Variants in NYAP2 observed in about 807,000 individuals in gnomAD.
NYAP2 encodes neuronal tyrosine-phosphorylated phosphoinositide-3-kinase adaptor 2, also known as neuronal tyrosine-phosphorylated phosphoinositide-3-kinase adapter 2.
A neutral mutation model predicts 50.4 loss-of-function variants in NYAP2; 23 were observed. The observed-to-expected ratio is 0.46, with a 90% CI of 0.33 to 0.65. The LOEUF is 0.65. NYAP2 is among the 30% of genes least tolerant of loss of function. The pLI is 0.02. For missense variants in NYAP2, 885 were observed against 861.0 expected (o/e 1.03, Z -0.35); for synonymous variants, 394 against 365.2 (o/e 1.08, Z -0.90).
At chr2:225,620,911 C>T (rs150390869) in intron 5 of NYAP2, among the ~76,000 whole-genome samples, 17 of 152,096 alleles carry the variant, frequency 1.1e-4, no homozygotes, top group African/African-American at 3.4e-4. Context: ...GGCGGGAGAT[C>T]GAGACCATTC....
intron 4 of NYAP2, among the ~76,000 whole-genome samples, chr2:225,514,163 A>G (rs926731022): frequency 2.6e-5 from 4 of 152,108 alleles, no homozygotes; most frequent in Non-Finnish European, 4.4e-5. Context: ...AATATCTCCA[A>G]TTTTTACCTT....
chr2:225,457,438 A>G (rs751480518), intron 3 of NYAP2, among the ~76,000 whole-genome samples: 9 of 152,246 alleles, frequency 5.9e-5, no homozygotes, highest in Admixed American at 2.0e-4. Context: ...CCCACTTTAT[A>G]TCTTATTGTG....
chr2:225,398,407 C>A (rs919548908), upstream of NYAP2, among the ~76,000 whole-genome samples: 1 of 151,932 alleles, frequency 6.6e-6, no homozygotes, highest in Non-Finnish European at 1.5e-5. Flanking sequence ...AAAGTGTTTC[C>A]GTTTTCTAAA....
At chr2:225,440,943 T>A (rs1689460297) in intron 3 of NYAP2, among the ~76,000 whole-genome samples, 1 of 152,146 alleles carries the variant, frequency 6.6e-6, no homozygotes, top group Non-Finnish European at 1.5e-5. Flanking sequence ...GAGACACTGG[T>A]GTCAATGGAG....
intron 5 of NYAP2, among the ~76,000 whole-genome samples, chr2:225,607,960 G>A (rs780668535): frequency 6.6e-6 from 1 of 152,030 alleles, no homozygotes; most frequent in Non-Finnish European, 1.5e-5. Context: ...GAATTGACTC[G>A]GGGTTCAGAG....
At chr2:225,442,757 G>T (rs569250527) in intron 3 of NYAP2, among the ~76,000 whole-genome samples, 1 of 152,030 alleles carries the variant, frequency 6.6e-6, no homozygotes, top group Non-Finnish European at 1.5e-5. Context: ...TGTGTTTTTA[G>T]TAGAGATAGG....
intron 6 of NYAP2, among the ~76,000 whole-genome samples, chr2:225,645,910 A>G (rs1283522148): frequency 1.3e-5 from 2 of 152,188 alleles, no homozygotes; most frequent in Admixed American, 1.3e-4. Context: ...ATCCTAAAGG[A>G]TCTGTGAGAG....
At chr2:225,513,610 C>T in exon 4 of NYAP2, 1 of 1,560,554 alleles carries the variant, frequency 6.4e-7, no homozygotes, top group Non-Finnish European at 8.7e-7. Context: ...CTGAGCACCT[C>T]ATCAGAGACA....
At chr2:225,426,653 A>G (rs1695292637) in intron 3 of NYAP2, among the ~76,000 whole-genome samples, 2 of 152,196 alleles carry the variant, frequency 1.3e-5, no homozygotes, top group Non-Finnish European at 2.9e-5. Flanking sequence ...ATAAATCCCC[A>G]AAGTATGAAA....
At chr2:225,622,945 A>G (rs1193650946) in intron 5 of NYAP2, among the ~76,000 whole-genome samples, 2 of 152,220 alleles carry the variant, frequency 1.3e-5, no homozygotes, top group Non-Finnish European at 2.9e-5. Flanking sequence ...AAATGTCTAT[A>G]AATACTTAGG....
intron 4 of NYAP2, among the ~76,000 whole-genome samples, chr2:225,542,503 C>T (rs931983484): frequency 5.3e-5 from 8 of 152,028 alleles, no homozygotes; most frequent in Non-Finnish European, 1.0e-4. Flanking sequence ...TTATCAAATG[C>T]TTTTTCTGCA....
At chr2:225,452,818 A>G (rs1197836164) in intron 3 of NYAP2, among the ~76,000 whole-genome samples, 4 of 152,172 alleles carry the variant, frequency 2.6e-5, no homozygotes, top group Non-Finnish European at 4.4e-5. Flanking sequence ...AGCTCAACAC[A>G]CAGGGCTCAG....
intron 4 of NYAP2, among the ~76,000 whole-genome samples, chr2:225,573,720 C>T (rs1692117698): frequency 1.3e-5 from 2 of 152,144 alleles, no homozygotes; most frequent in Middle Eastern, 3.2e-3. Flanking sequence ...AATCTTTCTC[C>T]TCTGTGTGGC....
In NYAP2 at chr2:225,518,550, ATATATATATATATAT is replaced by A. The variant is rs1559202485; in HGVS notation, c.523+4879_523+4893del. On this transcript the variant is annotated intron_variant, in intron 4 of 6. Coordinates refer to ENST00000636099, the Ensembl canonical transcript of NYAP2. ...TATATATATATATATATATATATAT[ATATATATATATATAT>A]ATATTAGCGTGTGCGCTTATATATA... 3.9e-3 allele frequency among the ~76,000 whole-genome samples: 318 copies of A among 80,914 alleles called. 30 individuals are homozygous for A. The highest frequency in any genetic ancestry group is 0.013 in the African/African-American group (303 of 23,144). 53.1% of individuals were successfully genotyped at this position (80,914 alleles called of 152,430 possible).
chr2:225,436,866 C>G (rs936200615), intron 3 of NYAP2, among the ~76,000 whole-genome samples: 6 of 151,918 alleles, frequency 3.9e-5, no homozygotes, highest in Admixed American at 3.9e-4. Flanking sequence ...CCTGTTCCTG[C>G]TGAAAAGACT....
At chr2:225,536,276 A>G (rs1446612115) in intron 4 of NYAP2, among the ~76,000 whole-genome samples, 1 of 152,150 alleles carries the variant, frequency 6.6e-6, no homozygotes, top group African/African-American at 2.4e-5. Flanking sequence ...CATGGTAGGC[A>G]GCACAGTGCT....
intron 4 of NYAP2, among the ~76,000 whole-genome samples, chr2:225,553,260 T>C (rs1428931345): frequency 2.6e-5 from 4 of 152,218 alleles, no homozygotes; most frequent in African/African-American, 9.6e-5. Context: ...AAACAAGTAG[T>C]AAACCAGGAA....
the NYAP2 span, among the ~76,000 whole-genome samples, chr2:225,687,049 T>G: frequency 6.6e-6 from 1 of 152,206 alleles, no homozygotes; most frequent in Non-Finnish European, 1.5e-5. Flanking sequence ...ACTTTACTCA[T>G]AATTAGCTGT....
chr2:225,468,939 A>G (rs140969000), intron 3 of NYAP2, among the ~76,000 whole-genome samples: 120 of 152,342 alleles, frequency 7.9e-4, no homozygotes, highest in African/African-American at 2.8e-3. Context: ...TAGTACCTCA[A>G]GACTCTCATT....
Sources: gnomAD v4.1 joint callset for allele counts (sites outside exome capture counted in the v4.1 genomes callset) on GRCh38, gnomAD v4.1.1 for gene constraint, MANE v1.5 for transcripts, NCBI Gene and HGNC (gene_info 2026-07-23, HGNC 2026-07-21) for gene names.